Variants in GTF2F1 observed in about 807,000 individuals in gnomAD.
GTF2F1 encodes general transcription factor IIF 74 kDa subunit.
In GTF2F1, 39 loss-of-function variants were observed where a neutral mutation model predicts 63.5. That is an observed-to-expected ratio of 0.61 (90% CI 0.48 to 0.80). The LOEUF (loss-of-function observed/expected upper bound fraction) is 0.80. GTF2F1 is among the 30% of genes least tolerant of loss of function. The pLI, the probability that GTF2F1 is intolerant of heterozygous loss-of-function variation, is 0.00. For synonymous variants in GTF2F1, 287 were observed against 285.3 expected (o/e 1.01, Z -0.06); for missense variants, 657 against 718.3 (o/e 0.91, Z 0.97).
In GTF2F1 at chr19:6,383,291, G is replaced by A. The variant is rs775747237; in HGVS notation, c.682+20C>T. On this transcript the variant is annotated intron_variant, in intron 6 of 12. Coordinates refer to ENST00000394456, the MANE Select transcript of GTF2F1 (RefSeq NM_002096.3). The surrounding 1 kb of genome is among the most constrained non-coding windows in gnomAD (Gnocchi z 4.5). Reference sequence around the variant, plus strand: ...TGAGCAGGCACCTCTGTGACCTAATGCCCAGGCGCCCGTACTCACCCTCCT... The same window carrying A: ...TGAGCAGGCACCTCTGTGACCTAATACCCAGGCGCCCGTACTCACCCTCCT... 50 of 1,610,858 alleles carry A rather than the reference G, an allele frequency of 3.1e-5. No individual in the cohort carries two copies. In the Middle Eastern group the frequency reaches 6.7e-4, roughly 21 times the overall value.
At chr19:6,388,230 A>G (rs1417895276) in intron 4 of GTF2F1, among the ~76,000 whole-genome samples, 1 of 152,104 alleles carries the variant, frequency 6.6e-6, no homozygotes, top group Non-Finnish European at 1.5e-5. Flanking sequence ...GCGCCCAGCC[A>G]TGGCATGGCC....
rs781064915 is a variant in GTF2F1 at position 6,387,526 on chromosome 19, C to T, written c.360G>A (p.Glu120=). 4.3e-6 allele frequency: 7 copies of T among 1,614,202 alleles called. No homozygotes were observed. Among genetic ancestry groups the T allele is most frequent in the Admixed American group, 3.3e-5 (2 of 60,034 alleles). Residue 120 remains glutamate, a synonymous_variant, in exon 5 of 13, where the codon GAG becomes GAA. Coordinates refer to ENST00000394456, the MANE Select transcript of GTF2F1 (RefSeq NM_002096.3). ...FKGIKKGGVT[E]NTSYYIFTQC... ...GGGTGAAGATGTAGTAGGACGTGTTCTCTGTTACGCCTCCCTTCTTGATGC... is the reference window on the plus strand; with the variant it reads ...GGGTGAAGATGTAGTAGGACGTGTTTTCTGTTACGCCTCCCTTCTTGATGC...
chr19:6,390,236 T>A (rs1392451932), intron 3 of GTF2F1: 3 of 143,510 alleles, frequency 2.1e-5, no homozygotes, highest in Middle Eastern at 4.1e-3. Context: ...GCCTGGGTGA[T>A]AGAGTGACAC....
chr19:6,389,168 G>A (rs377043425), intron 4 of GTF2F1, among the ~76,000 whole-genome samples: 4 of 152,218 alleles, frequency 2.6e-5, no homozygotes, highest in East Asian at 3.9e-4. Flanking sequence ...CCTGGGAGGT[G>A]TGGGTTGCAG....
rs762527044 is a variant in GTF2F1 at position 6,380,684 on chromosome 19, C to G, written c.1238G>C (p.Arg413Pro). The G allele has an allele frequency of 6.2e-7, 1 of 1,611,232 alleles. No homozygotes were observed. The highest frequency in any genetic ancestry group is 1.3e-5 in the African/African-American group (1 of 74,916). ...AAASKLEQGK[R>P]VSEMPAAKRL... ...CTTGGCTGCAGGCATCTCGCTCACC[C>G]GCTTCCCTGTGGGAGTGGGGTCAGG... is the stretch of plus-strand genomic sequence containing the variant. The change falls in exon 12 of 13, where the codon CGG becomes CCG. Residue 413 changes from arginine (R) to proline (P), a missense_variant. Arg to Pro is a moderately radical substitution (Grantham distance 103, BLOSUM62 -2). Transcript: ENST00000394456. The surrounding 1 kb of genome is among the most constrained non-coding windows in gnomAD (Gnocchi z 5.3).
chr19:6,380,233 G>A lies in GTF2F1; in HGVS notation c.*48C>T, dbSNP rs1276506567. On this transcript the variant is annotated 3_prime_UTR_variant, in exon 13 of 13. Coordinates refer to ENST00000394456, the MANE Select transcript of GTF2F1 (RefSeq NM_002096.3). The surrounding 1 kb of genome is among the most constrained non-coding windows in gnomAD (Gnocchi z 5.3). The stretch of plus-strand genomic sequence containing the variant: ...CTCACTCTAGGATGGCGAAGGGGCA[G>A]TGAGAGCCTTAAGTTCTGGGGGGCA... The A allele has an allele frequency of 2.7e-6, 4 of 1,489,558 alleles. No homozygotes were observed. The highest frequency in any genetic ancestry group is 3.8e-6 in the Non-Finnish European group (4 of 1,066,548). 92.3% of individuals were successfully genotyped at this position (1,489,558 alleles called of 1,614,324 possible).
chr19:6,386,445 GT>G (rs1217598225), intron 5 of GTF2F1, among the ~76,000 whole-genome samples: 5 of 151,966 alleles, frequency 3.3e-5, no homozygotes, highest in Non-Finnish European at 7.4e-5. Flanking sequence ...GGAAAAAGGT[GT>G]TTTATTTGTT....
chr19:6,380,642 G>T lies in GTF2F1; in HGVS notation c.1280C>A (p.Thr427Lys), dbSNP rs374679232. 8 of 1,613,624 alleles carry T rather than the reference G, an allele frequency of 5.0e-6. No individual in the cohort carries two copies. In the Admixed American group the frequency reaches 1.3e-4, roughly 27 times the overall value. ...CTTCCCAGACAGGCTCTGGGGTCCCGTGTCCAGCCGCAACCGCTTGGCTGC... is the reference window on the plus strand; with the variant it reads ...CTTCCCAGACAGGCTCTGGGGTCCCTTGTCCAGCCGCAACCGCTTGGCTGC... ...MPAAKRLRLD[T>K]GPQSLSGKST... Residue 427 changes from threonine (T) to lysine (K), a missense_variant, in exon 12 of 13, where the codon ACG becomes AAG. Physicochemically the swap from Thr to Lys is moderately conservative, Grantham distance 78. Coordinates refer to ENST00000394456, the MANE Select transcript of GTF2F1 (RefSeq NM_002096.3). The surrounding 1 kb of genome is among the most constrained non-coding windows in gnomAD (Gnocchi z 5.3).
chr19:6,392,798 CGTGAAG>C (rs1287560231), intron 2 of GTF2F1, 53 bp downstream of exon 2: 1 of 1,518,418 alleles, frequency 6.6e-7, no homozygotes, highest in Non-Finnish European at 9.1e-7. Flanking sequence ...CTAAGAAGAT[CGTGAAG>C]GTTTTCATTT....
chr19:6,381,290 G>A lies in GTF2F1; in HGVS notation c.1018+69C>T, dbSNP rs1248158630. On this transcript the variant is annotated intron_variant, in intron 9 of 12. Transcript: ENST00000394456. The surrounding 1 kb of genome is among the most constrained non-coding windows in gnomAD (Gnocchi z 4.1). ...GCAGATGAGGGAGGCCTGCAGGGGA[G>A]AGGGGAGGAGGTGGCAGGGCGCCAG... 11 of 1,545,840 alleles carry A rather than the reference G, an allele frequency of 7.1e-6. No individual in the cohort carries two copies. Among genetic ancestry groups the A allele is most frequent in the Non-Finnish European group, 9.6e-6 (11 of 1,144,592 alleles).
intron 4 of GTF2F1, 109 bp downstream of exon 4, chr19:6,389,335 A>G: frequency 1.4e-6 from 1 of 717,262 alleles, no homozygotes; most frequent in Non-Finnish European, 2.2e-6. Flanking sequence ...CTTCCACTGC[A>G]GCAGTGGGAA....
rs748317227 is a variant in GTF2F1, at chr19:6,381,419, C to T, written c.958G>A (p.Asp320Asn). The T allele has an allele frequency of 3.1e-6, 5 of 1,610,660 alleles. No homozygotes were observed. The highest frequency in any genetic ancestry group is 4.2e-6 in the Non-Finnish European group (5 of 1,179,770). The change falls in exon 9 of 13, where the codon GAC (aspartate) becomes AAC (asparagine). Residue 320 changes from aspartate (D) to asparagine (N), a missense_variant. Around this residue, in one of 2 missense-constraint regions of GTF2F1, gnomAD observed 602 missense variants for 625.6 expected, o/e 0.96. Coordinates refer to ENST00000394456, the MANE Select transcript of GTF2F1 (RefSeq NM_002096.3). The surrounding 1 kb of genome is among the most constrained non-coding windows in gnomAD (Gnocchi z 4.1). ...ESEEEKPPEE[D>N]KEEEEEKKAP... ...TTCTTCTCCTCCTCCTCCTCCTTGTCCTCCTCAGGCGGCTTCTCCTCCTCA... is the reference window on the plus strand; with the variant it reads ...TTCTTCTCCTCCTCCTCCTCCTTGTTCTCCTCAGGCGGCTTCTCCTCCTCA...
chr19:6,386,704 A>G (rs571125869), intron 5 of GTF2F1: 2 of 152,360 alleles, frequency 1.3e-5, no homozygotes, highest in African/African-American at 2.4e-5. Flanking sequence ...TGGCCTCCCA[A>G]TGTGCTGGGA....
chr19:6,388,750 C>A (rs537026358), intron 4 of GTF2F1, among the ~76,000 whole-genome samples: 1 of 152,274 alleles, frequency 6.6e-6, no homozygotes, highest in Non-Finnish European at 1.5e-5. Flanking sequence ...GAGTTCAAGA[C>A]CAGCTTGAGC....
Position 6,389,491 on chromosome 19 carries a change from G to C in GTF2F1, c.279C>G (p.Pro93=). 6.2e-7 allele frequency: 1 copy of C among 1,614,150 alleles called. No homozygotes were observed. Among genetic ancestry groups the C allele is most frequent in the Non-Finnish European group, 8.5e-7 (1 of 1,180,022 alleles). The change falls in exon 4 of 13, where the codon CCC becomes CCG. Residue 93 remains proline, a synonymous_variant. Coordinates refer to ENST00000394456, the MANE Select transcript of GTF2F1 (RefSeq NM_002096.3). ...CCCGGAGCAGCCAGGGCTGGTCCTC[G>C]GGCCGGAACTCCTTGAGGACGATGC... ...KYGIVLKEFR[P]EDQPWLLRVN...
At chr19:6,388,345 G>A (rs986538038) in intron 4 of GTF2F1, among the ~76,000 whole-genome samples, 13 of 152,236 alleles carry the variant, frequency 8.5e-5, no homozygotes, top group East Asian at 5.8e-4. Context: ...CCAAAGTTCC[G>A]GACAGTCTGG....
At position 6,383,561 on chromosome 19, in the gene GTF2F1, G is replaced by T; in HGVS notation, c.498-66C>A. The T allele has an allele frequency of 6.5e-7, 1 of 1,539,034 alleles. No individual in the cohort carries two copies. Among genetic ancestry groups the T allele is most frequent in the Non-Finnish European group, 8.9e-7 (1 of 1,124,218 alleles). ...CCACCCTGCATCTGTGCTTGCAGGG[G>T]GCGAGCCCCAGGGCACCACCCACAT... On this transcript the variant is annotated intron_variant, in intron 5 of 12. Coordinates refer to ENST00000394456, the MANE Select transcript of GTF2F1 (RefSeq NM_002096.3). The surrounding 1 kb of genome is among the most constrained non-coding windows in gnomAD (Gnocchi z 4.5).
Position 6,393,066 on chromosome 19 carries a change from C to A in GTF2F1, c.-71G>T. ...CGTCTCCTCTGGCGTGCGCGTCCCT[C>A]GATCCCGGGGAAGCCGCCGCTCGGT... On this transcript the variant is annotated 5_prime_UTR_variant, in exon 1 of 13. Transcript: ENST00000394456. 1 of 1,599,118 alleles carries A rather than the reference C, an allele frequency of 6.3e-7. No homozygotes were observed. Among genetic ancestry groups the A allele is most frequent in the East Asian group, 2.2e-5 (1 of 44,794 alleles).
chr19:6,392,224 T>C (rs892729670), intron 2 of GTF2F1: 2 of 550,412 alleles, frequency 3.6e-6, no homozygotes, highest in African/African-American at 1.9e-5. Flanking sequence ...CAGCCTGTTT[T>C]GCCTGGCAAC....
Sources: allele counts gnomAD v4.1 joint callset (sites outside exome capture counted in the v4.1 genomes callset), GRCh38; gene constraint gnomAD v4.1.1; regional missense constraint gnomAD v4.1.1; non-coding constraint Gnocchi (gnomAD v3.1); transcripts MANE v1.5; gene names NCBI Gene and HGNC (gene_info 2026-07-23, HGNC 2026-07-21).